KIF26B: variants seen among roughly 807,000 people sequenced by gnomAD.
KIF26B encodes the protein kinesin family member 26B.
Under a neutral mutation model 151.2 loss-of-function variants are expected in KIF26B, and 63 were observed. The observed-to-expected ratio is 0.42, with a 90% confidence interval of 0.34 to 0.51. The LOEUF is 0.51. Ranked by LOEUF, KIF26B falls within the 20% of genes least tolerant of loss-of-function variation. The pLI, the probability that KIF26B is intolerant of heterozygous loss-of-function variation, is 0.07. For missense variants in KIF26B, 2,813 were observed against 2,913.6 expected (o/e 0.97, Z 0.79); for synonymous variants, 1,357 against 1,262.1 (o/e 1.08, Z -1.59).
Position 245,688,200 on chromosome 1 carries a change from C to G in KIF26B, c.5217C>G (p.Leu1739=), listed in dbSNP as rs758127878. 4 of 1,594,550 alleles carry G rather than the reference C, an allele frequency of 2.5e-6. No homozygotes were observed. In the African/African-American group the frequency reaches 5.4e-5, roughly 21 times the overall value. The change falls in exon 12 of 15, where the codon CTC becomes CTG. Residue 1739 remains leucine, a synonymous_variant. Coordinates refer to ENST00000407071, the MANE Select transcript of KIF26B (RefSeq NM_018012.4). The part of the protein sequence containing the change: ...QSKISAVSRL[L]LASPRARGPS... ...AGATCTCCGCCGTGAGCAGACTCCT[C>G]CTGGCCAGCCCCAGAGCGCGCGGCC...
Position 245,352,339 on chromosome 1 carries a change from C to T in KIF26B, c.466-14495C>T, listed in dbSNP as rs1331123206. Reference sequence around the variant, plus strand: ...AGGGCAATGGTGCGATCTCAGCTCACTGCAACCTCCGCCTCCCAGGCTCAA... The same window carrying T: ...AGGGCAATGGTGCGATCTCAGCTCATTGCAACCTCCGCCTCCCAGGCTCAA... On this transcript the variant is annotated intron_variant, in intron 2 of 14. Transcript: ENST00000407071. The surrounding 1 kb of genome is among the most constrained non-coding windows in gnomAD (Gnocchi z 5.0). Among the ~76,000 whole-genome samples, 2 of 152,232 alleles carry T rather than the reference C, an allele frequency of 1.3e-5. No homozygotes were observed. Among genetic ancestry groups the T allele is most frequent in the African/African-American group, 2.4e-5 (1 of 41,466 alleles).
intron 2 of KIF26B, among the ~76,000 whole-genome samples, chr1:245,290,076 C>G (rs1671230781): frequency 6.6e-6 from 1 of 152,132 alleles, no homozygotes; most frequent in Non-Finnish European, 1.5e-5. Context: ...TTGTCTATAT[C>G]CTCTTTTACT....
At chr1:245,526,316 C>G (rs1176604511) in intron 4 of KIF26B, among the ~76,000 whole-genome samples, 1 of 152,170 alleles carries the variant, frequency 6.6e-6, no homozygotes, top group Non-Finnish European at 1.5e-5. Context: ...ATTTCTGCCT[C>G]TCTGCCTCTA....
At position 245,698,896 on chromosome 1, in the gene KIF26B, T is replaced by A; in HGVS notation, c.6037T>A (p.Cys2013Ser). The change falls in exon 14 of 15, where the codon TGC becomes AGC. Residue 2013 changes from cysteine to serine, a missense_variant. This residue lies in a region of KIF26B where 2,060 missense variants were observed against 2,088.6 expected (regional missense o/e 0.99). Transcript: ENST00000407071. The surrounding 1 kb of genome is among the most constrained non-coding windows in gnomAD (Gnocchi z 4.0). Reference sequence around the variant, plus strand: ...TCTGTCTGTGTGCTAGGAGGCCATGTGCTTCAATGCAAAGCTGAAGATTCT... The same window carrying A: ...TCTGTCTGTGTGCTAGGAGGCCATGAGCTTCAATGCAAAGCTGAAGATTCT... ...RRGGASKEAM[C>S]FNAKLKILEH... The A allele has an allele frequency of 6.2e-7, 1 of 1,613,796 alleles. No homozygotes were observed.
Position 245,306,774 on chromosome 1 carries a change from G to C in KIF26B, c.466-60060G>C, listed in dbSNP as rs138543230. Among the ~76,000 whole-genome samples, 325 of 152,188 alleles carry C rather than the reference G, an allele frequency of 2.1e-3. 1 individual carries two copies. The highest frequency in any genetic ancestry group is 3.6e-3 in the Non-Finnish European group (247 of 68,024). Reference sequence around the variant, plus strand: ...CATCCCTCTTATAAGCCTTAGCACTGTCTGCCTTGCGTTATATTTATTTCT... The same window carrying C: ...CATCCCTCTTATAAGCCTTAGCACTCTCTGCCTTGCGTTATATTTATTTCT... On this transcript the variant is annotated intron_variant, in intron 2 of 14. Transcript: ENST00000407071.
intron 3 of KIF26B, among the ~76,000 whole-genome samples, chr1:245,379,666 A>C (rs1673358516): frequency 6.6e-6 from 1 of 151,988 alleles, no homozygotes; most frequent in South Asian, 2.1e-4. Flanking sequence ...AGTTTCGATA[A>C]ATTGGAAAAT....
chr1:245,309,171 C>G (rs1671616522), intron 2 of KIF26B, among the ~76,000 whole-genome samples: 1 of 152,146 alleles, frequency 6.6e-6, no homozygotes, highest in African/African-American at 2.4e-5. Context: ...TCAGGATTGC[C>G]TGGAATACCA....
At chr1:245,245,796 G>A (rs866323126) in intron 2 of KIF26B, among the ~76,000 whole-genome samples, 1 of 151,980 alleles carries the variant, frequency 6.6e-6, no homozygotes, top group Non-Finnish European at 1.5e-5. Flanking sequence ...GCGTGGTGGC[G>A]GGTGCCTGCA....
chr1:245,554,799 T>C (rs1661980785), intron 5 of KIF26B, among the ~76,000 whole-genome samples: 1 of 152,226 alleles, frequency 6.6e-6, no homozygotes, highest in Non-Finnish European at 1.5e-5. Flanking sequence ...TTTGATGTGC[T>C]GCATGCGGTT....
intron 4 of KIF26B, among the ~76,000 whole-genome samples, chr1:245,506,818 T>C (rs1470876156): frequency 2.0e-5 from 3 of 152,320 alleles, no homozygotes; most frequent in Middle Eastern, 3.4e-3. Context: ...GTAGCTGGGA[T>C]TACAACCATG....
intron 4 of KIF26B, among the ~76,000 whole-genome samples, chr1:245,523,584 C>G (rs1479233645): frequency 1.3e-5 from 2 of 152,244 alleles, no homozygotes; most frequent in Non-Finnish European, 2.9e-5. Flanking sequence ...AGGGCCCACT[C>G]TGGTTCACAG....
At chr1:245,656,252 G>C (rs180790672) in intron 10 of KIF26B, among the ~76,000 whole-genome samples, 1 of 152,072 alleles carries the variant, frequency 6.6e-6, no homozygotes, top group East Asian at 1.9e-4. Context: ...TGGGGCTGAG[G>C]AATGGCACAG....
chr1:245,270,252 C>A (rs879823972), intron 2 of KIF26B, among the ~76,000 whole-genome samples: 30,004 of 122,048 alleles, frequency 0.25, 5,198 homozygotes, highest in East Asian at 0.45. Context: ...TTCTTCTTCC[C>A]TTCCTTCTTC....
At chr1:245,623,351 C>T (rs1356390743) in intron 9 of KIF26B, among the ~76,000 whole-genome samples, 3 of 152,064 alleles carry the variant, frequency 2.0e-5, no homozygotes, top group South Asian at 4.1e-4. Flanking sequence ...ACGGTACTCT[C>T]GTGTGTGGCT....
intron 4 of KIF26B, among the ~76,000 whole-genome samples, chr1:245,493,285 T>A (rs1011670074): frequency 2.6e-5 from 4 of 152,084 alleles, no homozygotes; most frequent in African/African-American, 9.7e-5. Context: ...ATCCAGTTAG[T>A]CAAGCAGAGA....
At chr1:245,242,406 A>G (rs927044203) in intron 2 of KIF26B, among the ~76,000 whole-genome samples, 1 of 152,206 alleles carries the variant, frequency 6.6e-6, no homozygotes, top group African/African-American at 2.4e-5. Flanking sequence ...TGCAAAGGAT[A>G]ATGTCTACCC....
chr1:245,332,928 GGGTCTCTCC>G (rs1672143249), intron 2 of KIF26B, among the ~76,000 whole-genome samples: 1 of 152,166 alleles, frequency 6.6e-6, no homozygotes, highest in African/African-American at 2.4e-5. Context: ...TATTTTCAAT[GGGTCTCTCC>G]AAATCCAGCA....
At chr1:245,374,250 G>A (rs1673219318) in intron 3 of KIF26B, among the ~76,000 whole-genome samples, 1 of 149,138 alleles carries the variant, frequency 6.7e-6, no homozygotes, top group Non-Finnish European at 1.5e-5. Context: ...GAAGCCCTGG[G>A]GGATCTTGGT....
chr1:245,459,163 C>T (rs1436991770), intron 4 of KIF26B, among the ~76,000 whole-genome samples: 3 of 152,184 alleles, frequency 2.0e-5, no homozygotes, highest in Admixed American at 6.5e-5. Context: ...TCTCTTTGTG[C>T]ACATATCACA....
Sources: allele counts gnomAD v4.1 joint callset (sites outside exome capture counted in the v4.1 genomes callset), GRCh38; gene constraint gnomAD v4.1.1; regional missense constraint gnomAD v4.1.1; non-coding constraint Gnocchi (gnomAD v3.1); transcripts MANE v1.5; gene names NCBI Gene and HGNC (gene_info 2026-07-23, HGNC 2026-07-21).